The following JARID2 variants were observed in gnomAD, a reference collection of about 807,000 sequenced individuals.
The protein encoded by JARID2 is jumonji and AT-rich interaction domain containing 2.
JARID2 carries 21 observed loss-of-function variants against 125.6 expected under a neutral mutation model. That is an observed-to-expected ratio of 0.17 (90% CI 0.12 to 0.24). The LOEUF is 0.24. Among genes scored for constraint, JARID2 ranks in the 10% least tolerant of loss-of-function variants. The pLI is 1.00. For missense variants in JARID2, 1,303 were observed against 1,639.6 expected (o/e 0.79, Z 3.55); for synonymous variants, 736 against 661.6 (o/e 1.11, Z -1.73).
chr6:15,292,957 C>G (rs1468115968), intron 1 of JARID2, among the ~76,000 whole-genome samples: 1 of 152,186 alleles, frequency 6.6e-6, no homozygotes, highest in African/African-American at 2.4e-5. Flanking sequence ...GAGGCATGAG[C>G]CACCATGCCC....
At chr6:15,280,316 CA>C (rs1374818322) in intron 1 of JARID2, among the ~76,000 whole-genome samples, 1 of 151,850 alleles carries the variant, frequency 6.6e-6, no homozygotes, top group East Asian at 1.9e-4. Context: ...AAAGCAGGGC[CA>C]AGTTGAGAAA....
chr6:15,440,056 A>G (rs1223020900), intron 3 of JARID2, among the ~76,000 whole-genome samples: 1 of 152,190 alleles, frequency 6.6e-6, no homozygotes. Flanking sequence ...AGAGAGAATG[A>G]CTTTACCTTC....
chr6:15,332,884 A>G (rs182683289), intron 1 of JARID2, among the ~76,000 whole-genome samples: 1 of 149,894 alleles, frequency 6.7e-6, no homozygotes, highest in East Asian at 2.0e-4. Flanking sequence ...ACAGCTTTAT[A>G]GAAATGTAAT....
At chr6:15,276,067 T>C (rs1030521676) in intron 1 of JARID2, among the ~76,000 whole-genome samples, 3 of 152,210 alleles carry the variant, frequency 2.0e-5, no homozygotes, top group African/African-American at 7.2e-5. Flanking sequence ...GAAATTGCTT[T>C]GCATTTTTCT....
chr6:15,319,973 T>A (rs184648444), intron 1 of JARID2, among the ~76,000 whole-genome samples: 157 of 152,354 alleles, frequency 1.0e-3, no homozygotes, highest in African/African-American at 3.5e-3. Flanking sequence ...CACTGAGATA[T>A]TTCAGCCATA....
chr6:15,335,438 CAG>C (rs1295496736), intron 1 of JARID2, among the ~76,000 whole-genome samples: 6 of 152,284 alleles, frequency 3.9e-5, no homozygotes, highest in East Asian at 3.9e-4. Context: ...TTAGGTATGT[CAG>C]AGTCACCTTG....
intron 2 of JARID2, among the ~76,000 whole-genome samples, chr6:15,395,533 G>A (rs1259175025): frequency 1.3e-5 from 2 of 152,104 alleles, no homozygotes; most frequent in African/African-American, 2.4e-5. Context: ...TCAAAGTGCT[G>A]GGATTACAGG....
intron 1 of JARID2, among the ~76,000 whole-genome samples, chr6:15,280,533 G>A (rs568618463): frequency 6.6e-6 from 1 of 152,004 alleles, no homozygotes; most frequent in South Asian, 2.1e-4. Context: ...TTAAAATAGG[G>A]TGTTTGAATC....
chr6:15,431,515 C>A (rs1431656440), intron 3 of JARID2, among the ~76,000 whole-genome samples: 1 of 152,206 alleles, frequency 6.6e-6, no homozygotes, highest in African/African-American at 2.4e-5. Flanking sequence ...CTTGTGCCTT[C>A]TGTGTTGCTG....
At chr6:15,378,949 C>T (rs1221455777) in intron 2 of JARID2, among the ~76,000 whole-genome samples, 3 of 152,166 alleles carry the variant, frequency 2.0e-5, no homozygotes, top group Non-Finnish European at 4.4e-5. Context: ...CTTTGCCCTT[C>T]ATCTGTGTGA....
At chr6:15,407,388 A>T (rs1012079894) in intron 2 of JARID2, among the ~76,000 whole-genome samples, 6 of 152,200 alleles carry the variant, frequency 3.9e-5, no homozygotes, top group Admixed American at 3.9e-4. Flanking sequence ...TTTGAGAGTC[A>T]CTTCTCTTTA....
intron 1 of JARID2, among the ~76,000 whole-genome samples, chr6:15,372,436 G>T (rs1343571686): frequency 1.3e-5 from 2 of 152,084 alleles, no homozygotes; most frequent in Non-Finnish European, 2.9e-5. Flanking sequence ...TTGGCTCACT[G>T]CAACCTCCGC....
chr6:15,379,098 G>A (rs1044456257), intron 2 of JARID2, among the ~76,000 whole-genome samples: 12 of 151,994 alleles, frequency 7.9e-5, no homozygotes, highest in Non-Finnish European at 4.4e-5. Flanking sequence ...GAGACACGTC[G>A]TTTTTCATGT....
At chr6:15,492,777 C>A (rs561475412) in intron 6 of JARID2, among the ~76,000 whole-genome samples, 1 of 152,260 alleles carries the variant, frequency 6.6e-6, no homozygotes, top group South Asian at 2.1e-4. Context: ...GTGACACTTG[C>A]CTTTTTCAGT....
intron 1 of JARID2, among the ~76,000 whole-genome samples, chr6:15,301,034 A>G (rs768360166): frequency 6.6e-6 from 1 of 152,232 alleles, no homozygotes; most frequent in Admixed American, 6.5e-5. Context: ...TTGCAAATGT[A>G]GTCTCTCTAT....
rs182393401 is a variant in JARID2, at chr6:15,379,344, T to C, written c.181+5092T>C. Among the ~76,000 whole-genome samples the C allele has an allele frequency of 3.8e-3, 580 of 152,318 alleles. 4 individuals carry two copies. The highest frequency in any genetic ancestry group is 0.013 in the African/African-American group (559 of 41,562). On this transcript the variant is annotated intron_variant, in intron 2 of 17. Transcript: ENST00000341776. ...TCTGTCTACTTTTTGTTGTAGATAA[T>C]GCCACTTTTCATGGATGTAATAAAT...
At chr6:15,519,437 C>T (rs1771724581) in intron 17 of JARID2, among the ~76,000 whole-genome samples, 1 of 152,146 alleles carries the variant, frequency 6.6e-6, no homozygotes, top group Non-Finnish European at 1.5e-5. Context: ...CCATGGCTGG[C>T]TTCCTCTCCT....
chr6:15,328,891 C>T (rs920495799), intron 1 of JARID2, among the ~76,000 whole-genome samples: 4 of 152,212 alleles, frequency 2.6e-5, no homozygotes, highest in African/African-American at 9.6e-5. Context: ...TGCTGAGGCC[C>T]CACCTGTGTG....
chr6:15,462,067 A>T (rs1161503848), intron 4 of JARID2, among the ~76,000 whole-genome samples: 2 of 152,196 alleles, frequency 1.3e-5, no homozygotes, highest in African/African-American at 4.8e-5. Context: ...ACATTAAGTG[A>T]ACGTTTTACA....
Sources: allele counts gnomAD v4.1 joint callset (sites outside exome capture counted in the v4.1 genomes callset), GRCh38; gene constraint gnomAD v4.1.1; transcripts MANE v1.5; gene names NCBI Gene and HGNC (gene_info 2026-07-23, HGNC 2026-07-21).